MYMX: variants seen among roughly 807,000 people sequenced by gnomAD.
MYMX encodes the protein protein myomixer.
chr6:44,196,395 T>C, the MYMX span, among the ~76,000 whole-genome samples: 2 of 152,198 alleles, frequency 1.3e-5, no homozygotes, highest in African/African-American at 2.4e-5. Context: ...ACTCTTTCTT[T>C]AGGCTGGGAG....
the MYMX span, among the ~76,000 whole-genome samples, chr6:44,199,142 G>C: frequency 3.3e-5 from 5 of 152,088 alleles, no homozygotes; most frequent in Admixed American, 1.3e-4. Flanking sequence ...CATATTACCA[G>C]ATTGGCCAGA....
chr6:44,200,002 A>G, the MYMX span, among the ~76,000 whole-genome samples: 3 of 151,998 alleles, frequency 2.0e-5, no homozygotes, highest in African/African-American at 7.3e-5. Flanking sequence ...ACATCTTTAT[A>G]ACAATTATAG....
chr6:44,199,449 C>T, the MYMX span, among the ~76,000 whole-genome samples: 12 of 152,058 alleles, frequency 7.9e-5, no homozygotes, highest in African/African-American at 2.2e-4. Context: ...CTGCCTGCCT[C>T]GGCCTCCCAA....
chr6:44,211,722 ATT>A, the MYMX span, among the ~76,000 whole-genome samples: 2 of 145,466 alleles, frequency 1.4e-5, no homozygotes, highest in African/African-American at 5.2e-5. Flanking sequence ...GGTTCAAGCG[ATT>A]TTTGTGTCTG....
chr6:44,197,572 G>C, the MYMX span, among the ~76,000 whole-genome samples: 3 of 152,124 alleles, frequency 2.0e-5, no homozygotes, highest in Non-Finnish European at 4.4e-5. Flanking sequence ...TCTCCTTCCA[G>C]TACCCTATGA....
chr6:44,202,965 C>T, the MYMX span, among the ~76,000 whole-genome samples: 1 of 152,194 alleles, frequency 6.6e-6, no homozygotes, highest in African/African-American at 2.4e-5. Context: ...TGGGCCTTAC[C>T]CCAGGGTCCA....
At chr6:44,207,967 C>G in the MYMX span, among the ~76,000 whole-genome samples, 1 of 152,148 alleles carries the variant, frequency 6.6e-6, no homozygotes, top group African/African-American at 2.4e-5. Context: ...GTGGCTTACA[C>G]CTGTAATCCC....
At chr6:44,203,340 T>C in the MYMX span, among the ~76,000 whole-genome samples, 6 of 152,214 alleles carry the variant, frequency 3.9e-5, no homozygotes, top group African/African-American at 1.4e-4. Context: ...AAAAAGTGTG[T>C]GAGACAGATC....
the MYMX span, among the ~76,000 whole-genome samples, chr6:44,209,338 C>G: frequency 6.6e-6 from 1 of 152,098 alleles, no homozygotes; most frequent in East Asian, 1.9e-4. Context: ...CAAATTCATT[C>G]TCGGAGCCAT....
At chr6:44,217,188 T>C (rs943143000) in intron 1 of MYMX, among the ~76,000 whole-genome samples, 1 of 152,084 alleles carries the variant, frequency 6.6e-6, no homozygotes, top group Non-Finnish European at 1.5e-5. Context: ...TAGGAATGCC[T>C]GGAGCTGGGA....
the MYMX span, among the ~76,000 whole-genome samples, chr6:44,211,666 A>G: frequency 1.8e-4 from 26 of 143,982 alleles, no homozygotes; most frequent in Non-Finnish European, 3.3e-4. Context: ...CGCCCAGGCT[A>G]GAGTGCAGTG....
the MYMX span, among the ~76,000 whole-genome samples, chr6:44,209,108 C>T: frequency 0.011 from 1,722 of 152,196 alleles, 35 homozygotes; most frequent in African/African-American, 0.039. Context: ...GGACTACAGG[C>T]GCATGCTGCC....
the MYMX span, among the ~76,000 whole-genome samples, chr6:44,199,551 C>T: frequency 6.6e-6 from 1 of 151,996 alleles, no homozygotes; most frequent in Non-Finnish European, 1.5e-5. Context: ...GTCTTTTTTT[C>T]CCATATAAAT....
the MYMX span, among the ~76,000 whole-genome samples, chr6:44,207,040 G>A: frequency 3.3e-5 from 5 of 152,158 alleles, no homozygotes; most frequent in African/African-American, 1.2e-4. Flanking sequence ...CCAGAGAGAG[G>A]ACAACTGCTG....
At chr6:44,198,437 T>C in the MYMX span, among the ~76,000 whole-genome samples, 1 of 152,152 alleles carries the variant, frequency 6.6e-6, no homozygotes, top group African/African-American at 2.4e-5. Context: ...AGTGCTGGGA[T>C]TACAGGCGTG....
At chr6:44,192,845 C>T in the MYMX span, among the ~76,000 whole-genome samples, 1,745 of 152,328 alleles carry the variant, frequency 0.011, 29 homozygotes, top group African/African-American at 0.04. Flanking sequence ...GCCTCTCCTA[C>T]TGACCATATC....
the MYMX span, among the ~76,000 whole-genome samples, chr6:44,206,541 C>A: frequency 6.6e-6 from 1 of 152,084 alleles, no homozygotes; most frequent in Non-Finnish European, 1.5e-5. Flanking sequence ...CTGTTTTTCC[C>A]CTTTCTGAAT....
chr6:44,212,197 G>A (rs1429419797), upstream of MYMX, among the ~76,000 whole-genome samples: 7 of 152,036 alleles, frequency 4.6e-5, no homozygotes, highest in South Asian at 1.5e-3. Context: ...CTTGAGCTCA[G>A]GGGTTCAAGA....
the MYMX span, among the ~76,000 whole-genome samples, chr6:44,197,152 C>T: frequency 6.6e-6 from 1 of 152,136 alleles, no homozygotes; most frequent in Non-Finnish European, 1.5e-5. Flanking sequence ...AGGAGAATAA[C>T]TTGAACCCAG....
Sources: allele counts gnomAD v4.1 joint callset (sites outside exome capture counted in the v4.1 genomes callset), GRCh38; gene constraint gnomAD v4.1.1; transcripts MANE v1.5; gene names NCBI Gene and HGNC (gene_info 2026-07-23, HGNC 2026-07-21).